The following HEMK2 variants were observed in gnomAD, a reference collection of about 807,000 sequenced individuals.
HEMK2 encodes the protein HemK methyltransferase 2, ETF1 glutamine and histone H4 lysine, also known as methyltransferase HEMK2.
chr21:28,880,237 GAAA>G, the HEMK2 span, among the ~76,000 whole-genome samples: 7 of 152,222 alleles, frequency 4.6e-5, no homozygotes, highest in South Asian at 6.2e-4. Flanking sequence ...AATGAAATAA[GAAA>G]GCAAACTCTA....
At chr21:28,831,189 A>C in the HEMK2 span, among the ~76,000 whole-genome samples, 3 of 151,964 alleles carry the variant, frequency 2.0e-5, no homozygotes, top group African/African-American at 7.3e-5. Flanking sequence ...TCATGCTTAT[A>C]ATCCCAGCAC....
At chr21:28,776,192 C>A in the HEMK2 span, among the ~76,000 whole-genome samples, 1 of 152,172 alleles carries the variant, frequency 6.6e-6, no homozygotes, top group Non-Finnish European at 1.5e-5. Flanking sequence ...AGCCTGGGAA[C>A]AGGGTAAGCA....
chr21:28,865,210 G>A, the HEMK2 span, among the ~76,000 whole-genome samples: 1 of 152,152 alleles, frequency 6.6e-6, no homozygotes, highest in South Asian at 2.1e-4. Flanking sequence ...CTCTTGCCCA[G>A]GCTGGAGTGC....
chr21:28,650,525 G>C, the HEMK2 span, among the ~76,000 whole-genome samples: 2 of 152,158 alleles, frequency 1.3e-5, no homozygotes, highest in Non-Finnish European at 2.9e-5. Flanking sequence ...TGACCAATTA[G>C]ATATAGGAGT....
chr21:28,664,900 T>C, the HEMK2 span, among the ~76,000 whole-genome samples: 5 of 152,158 alleles, frequency 3.3e-5, no homozygotes, highest in Non-Finnish European at 7.3e-5. Context: ...TATTATAAGT[T>C]AAAAGTTTGT....
At chr21:28,661,118 C>T in the HEMK2 span, among the ~76,000 whole-genome samples, 1 of 152,060 alleles carries the variant, frequency 6.6e-6, no homozygotes, top group African/African-American at 2.4e-5. Flanking sequence ...CATCATTCTT[C>T]CCAGGAGCTT....
At chr21:28,642,843 C>T in the HEMK2 span, among the ~76,000 whole-genome samples, 1 of 152,190 alleles carries the variant, frequency 6.6e-6, no homozygotes, top group Non-Finnish European at 1.5e-5. Context: ...AACAAGCATC[C>T]TTCATGCTCA....
At chr21:28,883,074 GA>G in the HEMK2 span, 274 of 1,558,902 alleles carry the variant, frequency 1.8e-4, no homozygotes, top group South Asian at 6.1e-4. Context: ...TTTCCACTCT[GA>G]AAAAAAAATA....
the HEMK2 span, among the ~76,000 whole-genome samples, chr21:28,829,074 C>G: frequency 2.5e-3 from 383 of 152,240 alleles, 2 homozygotes; most frequent in African/African-American, 8.8e-3. Flanking sequence ...TCAAGAGCTC[C>G]TCTTAAAATT....
the HEMK2 span, among the ~76,000 whole-genome samples, chr21:28,739,414 T>C: frequency 6.6e-6 from 1 of 152,218 alleles, no homozygotes; most frequent in African/African-American, 2.4e-5. Flanking sequence ...AGGAACTAAA[T>C]ATAATATGGT....
chr21:28,652,233 G>A, the HEMK2 span, among the ~76,000 whole-genome samples: 4 of 152,116 alleles, frequency 2.6e-5, no homozygotes, highest in Non-Finnish European at 4.4e-5. Flanking sequence ...CTTTCAGAGT[G>A]TTGATTTTAT....
At chr21:28,761,001 T>C in the HEMK2 span, among the ~76,000 whole-genome samples, 3 of 152,168 alleles carry the variant, frequency 2.0e-5, no homozygotes, top group Admixed American at 6.6e-5. Context: ...TATTTTCACC[T>C]TAAATTATAC....
At chr21:28,720,247 T>C in the HEMK2 span, among the ~76,000 whole-genome samples, 1 of 152,224 alleles carries the variant, frequency 6.6e-6, no homozygotes, top group Non-Finnish European at 1.5e-5. Context: ...ATAGTGAACA[T>C]ACTGTGACCA....
the HEMK2 span, among the ~76,000 whole-genome samples, chr21:28,763,182 C>T: frequency 2.0e-5 from 3 of 152,116 alleles, no homozygotes; most frequent in Non-Finnish European, 4.4e-5. Flanking sequence ...GGGTAAGTCA[C>T]TCTGTATTAG....
the HEMK2 span, among the ~76,000 whole-genome samples, chr21:28,813,201 C>T: frequency 6.6e-6 from 1 of 152,094 alleles, no homozygotes; most frequent in African/African-American, 2.4e-5. Context: ...ATTTAGAAAA[C>T]CCTATCGTCT....
chr21:28,724,939 G>GC, the HEMK2 span, among the ~76,000 whole-genome samples: 83,006 of 151,914 alleles, frequency 0.55, 25,040 homozygotes, highest in East Asian at 0.84. Context: ...ACACCACCAT[G>GC]CCGGCTAATT....
chr21:28,608,082 T>C, the HEMK2 span, among the ~76,000 whole-genome samples: 192 of 152,326 alleles, frequency 1.3e-3, 1 homozygote, highest in South Asian at 3.7e-3. Flanking sequence ...AGGGATATGT[T>C]AAGTTCAGTT....
At chr21:28,596,817 AAGTGTCTCGATGGAC>A in the HEMK2 span, among the ~76,000 whole-genome samples, 1 of 152,222 alleles carries the variant, frequency 6.6e-6, no homozygotes, top group Non-Finnish European at 1.5e-5. Flanking sequence ...ATTTTAAAAG[AAGTGTCTCGATGGAC>A]AGTGTGCTCC....
the HEMK2 span, among the ~76,000 whole-genome samples, chr21:28,748,066 T>C: frequency 6.6e-6 from 1 of 152,232 alleles, no homozygotes; most frequent in African/African-American, 2.4e-5. Context: ...CTCAGTATTG[T>C]GTATGCATGA....
Sources: gnomAD v4.1 joint callset for allele counts (sites outside exome capture counted in the v4.1 genomes callset) on GRCh38, gnomAD v4.1.1 for gene constraint, MANE v1.5 for transcripts, NCBI Gene and HGNC (gene_info 2026-07-23, HGNC 2026-07-21) for gene names.